Variants in PDE8B observed in about 807,000 individuals in gnomAD.
The protein encoded by PDE8B is high affinity cAMP-specific and IBMX-insensitive 3',5'-cyclic phosphodiesterase 8B.
PDE8B carries 26 observed loss-of-function variants against 101.3 expected under a neutral mutation model. The ratio of observed to expected loss-of-function variants is 0.26; its 90% confidence interval spans 0.19 to 0.36. The LOEUF is 0.36. PDE8B is among the 10% of genes least tolerant of loss of function. The pLI is 1.00. For missense variants in PDE8B, 810 were observed against 1,163.1 expected, an observed-to-expected ratio of 0.70 and a Z score of 4.42; for synonymous variants, 424 against 429.3, an observed-to-expected ratio of 0.99 and a Z score of 0.15.
At chr5:77,088,623 G>A in the PDE8B span, 2 of 152,266 alleles carry the variant, frequency 1.3e-5, no homozygotes, top group African/African-American at 4.8e-5. Flanking sequence ...TAACCGTCCA[G>A]CGGTGGATTC....
At chr5:77,217,626 C>T (rs1171574628) in intron 1 of PDE8B, among the ~76,000 whole-genome samples, 1 of 151,924 alleles carries the variant, frequency 6.6e-6, no homozygotes, top group Non-Finnish European at 1.5e-5. Context: ...ACCTCCGCCT[C>T]CCAGGCTGAA....
the PDE8B span, among the ~76,000 whole-genome samples, chr5:77,168,729 A>G: frequency 1.3e-5 from 2 of 152,172 alleles, no homozygotes; most frequent in Admixed American, 1.3e-4. Flanking sequence ...CCTCAGCTCC[A>G]TCAACAGCCT....
chr5:77,402,152 CCAAGTGTCTCA>C (rs892144734), intron 11 of PDE8B, among the ~76,000 whole-genome samples: 5 of 152,074 alleles, frequency 3.3e-5, no homozygotes, highest in Non-Finnish European at 7.4e-5. Flanking sequence ...ATAGGCTAAA[CCAAGTGTCTCA>C]CAAGTGAGCA....
At chr5:77,425,294 C>T (rs997364995) in intron 20 of PDE8B, among the ~76,000 whole-genome samples, 21 of 152,184 alleles carry the variant, frequency 1.4e-4, no homozygotes, top group South Asian at 2.1e-4. Context: ...GGCACAGTGG[C>T]TCGTGCCTAT....
chr5:77,290,891 G>T, intron 1 of PDE8B: 1 of 1,603,202 alleles, frequency 6.2e-7, no homozygotes, highest in Non-Finnish European at 8.5e-7. Flanking sequence ...TAATAGCCAA[G>T]GTTCTGGAGG....
chr5:77,304,647 T>G (rs1770758391), intron 1 of PDE8B, among the ~76,000 whole-genome samples: 1 of 152,236 alleles, frequency 6.6e-6, no homozygotes, highest in Non-Finnish European at 1.5e-5. Context: ...ATTAATGTAC[T>G]ATTCTAAATA....
chr5:77,264,239 C>A (rs1283038233), intron 1 of PDE8B, among the ~76,000 whole-genome samples: 1 of 152,178 alleles, frequency 6.6e-6, no homozygotes, highest in Non-Finnish European at 1.5e-5. Flanking sequence ...CAATCATGTA[C>A]AACTTATGTG....
At chr5:77,256,472 T>C (rs1187164070) in intron 1 of PDE8B, among the ~76,000 whole-genome samples, 1 of 152,220 alleles carries the variant, frequency 6.6e-6, no homozygotes, top group Non-Finnish European at 1.5e-5. Flanking sequence ...TCTATATCCA[T>C]AGATTTGCCA....
the PDE8B span, among the ~76,000 whole-genome samples, chr5:77,159,542 G>A: frequency 6.6e-6 from 1 of 152,118 alleles, no homozygotes; most frequent in African/African-American, 2.4e-5. Flanking sequence ...ACCTACTGTG[G>A]GACCTTGTGA....
At chr5:77,087,477 A>G in the PDE8B span, 3 of 152,294 alleles carry the variant, frequency 2.0e-5, no homozygotes, top group Non-Finnish European at 4.4e-5. Context: ...CGCGGTTTGC[A>G]TCTTTGCAGG....
At chr5:77,208,325 G>C (rs2972336), upstream of PDE8B, among the ~76,000 whole-genome samples, 55,254 of 152,042 alleles carry the variant, frequency 0.36, 12,802 homozygotes, top group African/African-American at 0.66. Context: ...ATGCATGGCT[G>C]TAAATTTCAG....
intron 2 of PDE8B, 74 bp from the exon 3 acceptor site, chr5:77,325,465 G>T (rs926627767): frequency 1.7e-5 from 23 of 1,361,096 alleles, no homozygotes; most frequent in Non-Finnish European, 2.3e-5. Context: ...CACTGCGCCT[G>T]GCCACTAGGC....
chr5:77,302,322 G>A (rs1335209034), intron 1 of PDE8B, among the ~76,000 whole-genome samples: 1 of 152,238 alleles, frequency 6.6e-6, no homozygotes, highest in Admixed American at 6.5e-5. Context: ...AAAGCTCTCT[G>A]AGTCTAGTAG....
At chr5:77,209,124 A>G (rs1245027656), upstream of PDE8B, among the ~76,000 whole-genome samples, 2 of 152,224 alleles carry the variant, frequency 1.3e-5, no homozygotes, top group South Asian at 2.1e-4. Flanking sequence ...TTGCCTGTCC[A>G]TTAAAAAATA....
intron 1 of PDE8B, among the ~76,000 whole-genome samples, chr5:77,251,817 A>T (rs187446900): frequency 6.6e-6 from 1 of 151,978 alleles, no homozygotes; most frequent in East Asian, 1.9e-4. Context: ...ATTAATTTTG[A>T]TTATTACTTT....
At chr5:77,272,145 C>A (rs1284705558) in intron 1 of PDE8B, among the ~76,000 whole-genome samples, 1 of 152,168 alleles carries the variant, frequency 6.6e-6, no homozygotes, top group Non-Finnish European at 1.5e-5. Flanking sequence ...GTTATTGGAG[C>A]ATGCCGAGGG....
chr5:77,415,284 G>A (rs1016292092), intron 17 of PDE8B, among the ~76,000 whole-genome samples: 13 of 151,882 alleles, frequency 8.6e-5, no homozygotes, highest in Middle Eastern at 3.4e-3. Context: ...GACAAAGAGG[G>A]TCAGGAAGTA....
intron 1 of PDE8B, among the ~76,000 whole-genome samples, chr5:77,280,393 T>C (rs1764732800): frequency 6.6e-6 from 1 of 152,202 alleles, no homozygotes; most frequent in Admixed American, 6.5e-5. Flanking sequence ...CAATTTACTA[T>C]GGACCAAGAC....
chr5:77,381,185 A>T (rs77129330), intron 10 of PDE8B, among the ~76,000 whole-genome samples: 2,682 of 152,300 alleles, frequency 0.018, 37 homozygotes, highest in Admixed American at 0.03. Context: ...TTTAAACAGG[A>T]GAATGACAGG....
Sources: gnomAD v4.1 joint callset for allele counts (sites outside exome capture counted in the v4.1 genomes callset) on GRCh38, gnomAD v4.1.1 for gene constraint, MANE v1.5 for transcripts, NCBI Gene and HGNC (gene_info 2026-07-23, HGNC 2026-07-21) for gene names.